The following ACYP2 variants were observed in gnomAD, a reference collection of about 807,000 sequenced individuals.
ACYP2 encodes the protein acylphosphatase 2, also known as acylphosphatase-2.
ACYP2 carries 12 observed loss-of-function variants against 11.2 expected under a neutral mutation model. The ratio of observed to expected loss-of-function variants is 1.08; its 90% CI spans 0.69 to 1.74. The LOEUF is 1.74. Among genes scored for constraint, ACYP2 ranks in the 40% most tolerant of loss-of-function variants. The probability of loss-of-function intolerance (pLI) is 0.00; values close to 1 mark genes in which losing one functional copy is unlikely to be tolerated. For missense variants in ACYP2, 134 were observed against 101.9 expected, an observed-to-expected ratio of 1.31 and a Z score of -1.35; for synonymous variants, 43 against 32.2, an observed-to-expected ratio of 1.33 and a Z score of -1.13.
rs551945643 is a variant in ACYP2, at chr2:54,114,514, T to C, written c.278-20939T>C. 3.4e-4 allele frequency among the ~76,000 whole-genome samples: 52 copies of C among 151,978 alleles called. 1 individual carries two copies. The East Asian group carries it at 9.7e-3, about 28-fold the overall frequency. ...GCCTGGACAACATGGTGAAACCCCG[T>C]CTCCACTAAAAATACAAAAATTAGC... On this transcript the variant is annotated intron_variant, in intron 4 of 6. Transcript: ENST00000607452.
intron 4 of ACYP2, among the ~76,000 whole-genome samples, chr2:54,073,485 G>A (rs1228371485): frequency 2.6e-5 from 4 of 152,100 alleles, no homozygotes; most frequent in Non-Finnish European, 2.9e-5. Flanking sequence ...TGCTTTCTTG[G>A]GTTTGACACC....
intron 5 of ACYP2, among the ~76,000 whole-genome samples, chr2:54,137,830 T>C (rs1681348793): frequency 6.6e-6 from 1 of 152,224 alleles, no homozygotes; most frequent in African/African-American, 2.4e-5. Flanking sequence ...ATTGTAGTTC[T>C]GTTTTTAGCT....
intron 6 of ACYP2, among the ~76,000 whole-genome samples, chr2:54,176,467 T>G (rs879707739): frequency 6.6e-6 from 1 of 152,210 alleles, no homozygotes; most frequent in Non-Finnish European, 1.5e-5. Flanking sequence ...TCTGAACTTT[T>G]GTAGGACAGA....
At chr2:54,182,148 C>T (rs1393302890) in intron 6 of ACYP2, among the ~76,000 whole-genome samples, 2 of 149,230 alleles carry the variant, frequency 1.3e-5, no homozygotes, top group Non-Finnish European at 3.0e-5. Context: ...TAACCTCAGC[C>T]TTCGGGTTTC....
chr2:54,278,197 C>T (rs539425191), intron 6 of ACYP2, among the ~76,000 whole-genome samples: 1 of 152,300 alleles, frequency 6.6e-6, no homozygotes, highest in Non-Finnish European at 1.5e-5. Context: ...CCAGGATGGT[C>T]TCAATCTCCT....
intron 5 of ACYP2, 71 bp from the exon 3 acceptor site, chr2:54,138,568 T>C: frequency 8.2e-7 from 1 of 1,221,276 alleles, no homozygotes; most frequent in East Asian, 2.5e-5. Flanking sequence ...TTTTGGATAT[T>C]AGAATCAAGT....
chr2:54,195,794 G>GTTTTTTTTTTTTTTTTTTTTTTTT (rs1168917459), intron 6 of ACYP2, among the ~76,000 whole-genome samples: 2 of 83,134 alleles, frequency 2.4e-5, no homozygotes, highest in Non-Finnish European at 2.2e-5. Flanking sequence ...TTTGTTGTGG[G>GTTTTTTTTTTTTTTTTTTTTTTTT]TTTTTTTTTT....
intron 6 of ACYP2, among the ~76,000 whole-genome samples, chr2:54,252,946 A>G (rs1265075105): frequency 2.0e-5 from 3 of 152,092 alleles, no homozygotes; most frequent in Admixed American, 2.0e-4. Flanking sequence ...CCAATTTCAC[A>G]AAACAATCTC....
chr2:54,221,522 T>TTTTC (rs2103950725), intron 6 of ACYP2, among the ~76,000 whole-genome samples: 1 of 140,860 alleles, frequency 7.1e-6, no homozygotes, highest in South Asian at 2.2e-4. Context: ...ATAAAATTCT[T>TTTTC]TTTTTTTTTT....
chr2:54,105,998 TTAAAG>T (rs1446816462), intron 4 of ACYP2, among the ~76,000 whole-genome samples: 1 of 152,068 alleles, frequency 6.6e-6, no homozygotes, highest in Non-Finnish European at 1.5e-5. Flanking sequence ...TTCTTTGTCT[TTAAAG>T]TATAGTACCT....
chr2:54,294,879 G>A (rs1689456806), intron 6 of ACYP2, among the ~76,000 whole-genome samples: 1 of 151,446 alleles, frequency 6.6e-6, no homozygotes, highest in Non-Finnish European at 1.5e-5. Flanking sequence ...TCACACCACT[G>A]CATTTCAGCC....
intron 4 of ACYP2, among the ~76,000 whole-genome samples, chr2:54,074,031 G>A (rs1677199580): frequency 6.6e-6 from 1 of 152,112 alleles, no homozygotes; most frequent in Non-Finnish European, 1.5e-5. Context: ...CCACTGCTAG[G>A]TATATACCTA....
intron 2 of ACYP2, among the ~76,000 whole-genome samples, chr2:53,993,460 C>T (rs1027645255): frequency 1.3e-5 from 2 of 151,966 alleles, no homozygotes; most frequent in Admixed American, 6.6e-5. Flanking sequence ...GTAATCCCAG[C>T]GCTCTGGTGG....
At chr2:54,071,800 C>T (rs183638341) in intron 4 of ACYP2, among the ~76,000 whole-genome samples, 11 of 152,276 alleles carry the variant, frequency 7.2e-5, no homozygotes, top group African/African-American at 2.6e-4. Flanking sequence ...CACCTGAGGT[C>T]AGGAGTTCGA....
At chr2:54,292,393 C>T (rs866053384) in intron 6 of ACYP2, among the ~76,000 whole-genome samples, 4 of 151,552 alleles carry the variant, frequency 2.6e-5, no homozygotes, top group African/African-American at 4.9e-5. Context: ...TTCAAAGACT[C>T]GATATGAAAA....
chr2:54,063,746 C>G (rs1267792992), intron 4 of ACYP2, among the ~76,000 whole-genome samples: 1 of 152,190 alleles, frequency 6.6e-6, no homozygotes, highest in Non-Finnish European at 1.5e-5. Flanking sequence ...TAACTATGCT[C>G]ATACCTTTGT....
intron 6 of ACYP2, among the ~76,000 whole-genome samples, chr2:54,199,484 C>T (rs1684662351): frequency 6.6e-6 from 1 of 152,164 alleles, no homozygotes; most frequent in South Asian, 2.1e-4. Context: ...GCTACACACC[C>T]ATGAGGCCTA....
chr2:54,267,402 A>C, intron 6 of ACYP2: 1 of 1,520,166 alleles, frequency 6.6e-7, no homozygotes, highest in Non-Finnish European at 8.8e-7. Flanking sequence ...AAGGGCTTAT[A>C]CATCCTAAAG....
intron 4 of ACYP2, among the ~76,000 whole-genome samples, chr2:54,061,955 C>G (rs1303122055): frequency 6.6e-6 from 1 of 152,166 alleles, no homozygotes; most frequent in Non-Finnish European, 1.5e-5. Flanking sequence ...ATGTGAACAA[C>G]TGTGCCAGGC....
Sources: allele counts gnomAD v4.1 joint callset (sites outside exome capture counted in the v4.1 genomes callset), GRCh38; gene constraint gnomAD v4.1.1; transcripts MANE v1.5; gene names NCBI Gene and HGNC (gene_info 2026-07-23, HGNC 2026-07-21).